UBE3B: variants seen among roughly 807,000 people sequenced by gnomAD.
The protein encoded by UBE3B is ubiquitin protein ligase E3B, also known as ubiquitin-protein ligase E3B.
In UBE3B, 80 loss-of-function variants were observed where a neutral mutation model predicts 132.3. The observed-to-expected ratio is 0.60, with a 90% confidence interval of 0.50 to 0.73. UBE3B has a LOEUF of 0.73. Ranked by LOEUF, UBE3B falls within the 30% of genes least tolerant of loss-of-function variation. UBE3B has a pLI of 0.00. For synonymous variants in UBE3B, 487 were observed against 520.4 expected (o/e 0.94, Z 0.87); for missense variants, 1,196 against 1,362.5 (o/e 0.88, Z 1.92).
At chr12:109,515,388 A>T (rs1170507949) in intron 18 of UBE3B, among the ~76,000 whole-genome samples, 12 of 151,720 alleles carry the variant, frequency 7.9e-5, no homozygotes, top group Admixed American at 7.9e-4. Flanking sequence ...TGTTGTTTTG[A>T]GACAGAGTTT....
At position 109,534,731 on chromosome 12, in the gene UBE3B, C is replaced by T. The variant is rs61999293; in HGVS notation, c.3156C>T (p.Arg1052=). 2.6e-4 allele frequency: 410 copies of T among 1,599,104 alleles called. 1 individual carries two copies. The African/African-American group carries it at 3.2e-3, about 13-fold the overall frequency. Residue 1052 remains arginine, a synonymous_variant, in exon 28 of 28, where the codon CGC becomes CGT. Transcript: ENST00000342494. This position sits in a 1 kb window ranked among gnomAD's most constrained non-coding sequence, Gnocchi z 5.2. ...ACTACAGCAAGAAGAGCGTCCTCCG[C>T]GAGAAGCTGCGCTACGCCATCAGCA... ...LPNYSKKSVL[R]EKLRYAISMN...
rs540629914 is a variant in UBE3B, at chr12:109,532,825, GT to G, written c.2923-640del. On this transcript the variant is annotated intron_variant, in intron 26 of 27. Transcript: ENST00000342494. ...TGGCTCTGGGGCCTCATTTTTGTCA[GT>G]GTGCTGAGAGGTTATTAGTCTCTTG... Among the ~76,000 whole-genome samples, 1,113 of 152,300 alleles carry G rather than the reference GT, an allele frequency of 7.3e-3. 10 individuals carry two copies. The highest frequency in any genetic ancestry group is 0.026 in the African/African-American group (1,081 of 41,556).
intron 6 of UBE3B, 145 bp downstream of exon 6, chr12:109,486,720 G>T: frequency 2.8e-6 from 2 of 705,514 alleles, no homozygotes; most frequent in South Asian, 2.0e-5. Flanking sequence ...GAGGAATTTT[G>T]ATTCTGTTAT....
the UBE3B span, among the ~76,000 whole-genome samples, chr12:109,546,183 G>A: frequency 2.0e-5 from 3 of 152,116 alleles, no homozygotes; most frequent in East Asian, 1.9e-4. Context: ...TGGTGAATGC[G>A]CCAGTGCCTC....
the UBE3B span, among the ~76,000 whole-genome samples, chr12:109,543,576 C>G: frequency 5.9e-5 from 9 of 152,216 alleles, no homozygotes; most frequent in African/African-American, 2.2e-4. Flanking sequence ...TGGTGGCTCA[C>G]GCCTGTAATC....
intron 13 of UBE3B, among the ~76,000 whole-genome samples, chr12:109,502,006 A>G (rs1169943764): frequency 6.6e-6 from 1 of 152,144 alleles, no homozygotes; most frequent in Non-Finnish European, 1.5e-5. Context: ...TTAGGTCACT[A>G]AGTTCATATA....
Position 109,533,488 on chromosome 12 carries a change from C to G in UBE3B, c.2945C>G (p.Pro982Arg). ...FLKFVTSCSR[P>R]PLLGFAYLKP... The stretch of plus-strand genomic sequence containing the variant: ...CAGTTCGTGACCAGCTGCTCCAGAC[C>G]CCCGCTCCTGGGATTCGCCTACCTC... The change falls in exon 27 of 28, where the codon CCC (proline) becomes CGC (arginine). Residue 982 changes from proline to arginine, a missense_variant. By Grantham distance (103) the Pro-to-Arg change is moderately radical. Coordinates refer to ENST00000342494, the MANE Select transcript of UBE3B (RefSeq NM_130466.4). The G allele has an allele frequency of 6.2e-7, 1 of 1,614,120 alleles. No homozygotes were observed. Among genetic ancestry groups the G allele is most frequent in the African/African-American group, 1.3e-5 (1 of 75,034 alleles).
At position 109,536,079 on chromosome 12, in the gene UBE3B, G is replaced by A. The variant is rs1883408496; in HGVS notation, c.*1297G>A. The A allele has an allele frequency of 6.6e-6, 1 of 152,246 alleles. No homozygotes were observed. Among genetic ancestry groups the A allele is most frequent in the Admixed American group, 6.5e-5 (1 of 15,274 alleles). 9.4% of individuals were successfully genotyped at this position (152,246 alleles called of 1,614,324 possible). A position where few individuals can be genotyped will look rare whatever the true frequency, so the allele number is the denominator to read the frequency against. On this transcript the variant is annotated 3_prime_UTR_variant, in exon 28 of 28. Coordinates refer to ENST00000342494, the MANE Select transcript of UBE3B (RefSeq NM_130466.4). Reference sequence around the variant, plus strand: ...TTTTCCAACAAGAGCTGTCACAGTGGCAGCAAAGCAGGGGCCACCCGTCTC... The same window carrying A: ...TTTTCCAACAAGAGCTGTCACAGTGACAGCAAAGCAGGGGCCACCCGTCTC...
chr12:109,501,343 A>T (rs1386974719), intron 12 of UBE3B, 28 bp from the exon 13 acceptor site: 1 of 1,612,688 alleles, frequency 6.2e-7, no homozygotes, highest in Non-Finnish European at 8.5e-7. Context: ...TGGAACTGAC[A>T]GACCAGGTCT....
intron 18 of UBE3B, 26 bp downstream of exon 18, chr12:109,511,329 C>T (rs3742018): frequency 0.17 from 278,481 of 1,605,806 alleles, 24,701 homozygotes; most frequent in Middle Eastern, 0.19. Flanking sequence ...AGCTGGGCCC[C>T]GATGTGTCTT....
chr12:109,521,439 A>G lies in UBE3B; in HGVS notation c.2254-2A>G, dbSNP rs767893655. 1 of 1,579,586 alleles carries G rather than the reference A, an allele frequency of 6.3e-7. No individual in the cohort carries two copies. Among genetic ancestry groups the G allele is most frequent in the Non-Finnish European group, 8.6e-7 (1 of 1,156,720 alleles). On this transcript the variant is annotated splice_acceptor_variant, in intron 20 of 27. Transcript: ENST00000342494. LOFTEE classifies it high-confidence loss of function. The surrounding 1 kb of genome is among the most constrained non-coding windows in gnomAD (Gnocchi z 4.2). ...GCCTCTCCCCGTCTTTTTGCCTTGC[A>G]GACAACCAGTGGGGATGAGAGGCTG...
In UBE3B at chr12:109,509,728, T is replaced by C. The variant is rs1880121077; in HGVS notation, c.1741+14T>C. On this transcript the variant is annotated intron_variant, in intron 16 of 27. Coordinates refer to ENST00000342494, the MANE Select transcript of UBE3B (RefSeq NM_130466.4). ...ATGGAATTGTAGGTAAGAGAAAAGG[T>C]GTCTGCTGTTGTTTGGTTGATGCTG... 5 of 1,563,070 alleles carry C rather than the reference T, an allele frequency of 3.2e-6. No homozygotes were observed. In the South Asian group the frequency reaches 5.8e-5, roughly 18 times the overall value.
chr12:109,487,409 G>A (rs930590953), intron 6 of UBE3B, among the ~76,000 whole-genome samples: 1 of 152,192 alleles, frequency 6.6e-6, no homozygotes, highest in African/African-American at 2.4e-5. Flanking sequence ...GTAATGGAAC[G>A]AAAGTCCCCA....
chr12:109,534,099 T>G lies in UBE3B; in HGVS notation c.3016-492T>G, dbSNP rs1431844699. The G allele has an allele frequency of 7.7e-7, 1 of 1,295,176 alleles. No individual in the cohort carries two copies. The highest frequency in any genetic ancestry group is 1.0e-6 in the Non-Finnish European group (1 of 993,334). The allele number at this position is 1,295,176 out of a possible 1,614,324, so 80.2% of individuals were successfully genotyped here. A position where few individuals can be genotyped will look rare whatever the true frequency, so the allele number is the denominator to read the frequency against. ...TCCCCATAAAAACCCAGTGGCCGCC[T>G]CTGGGTGTAGCTGCCTCTCATGATG... On this transcript the variant is annotated intron_variant, in intron 27 of 27. Transcript: ENST00000342494. This position sits in a 1 kb window ranked among gnomAD's most constrained non-coding sequence, Gnocchi z 5.2.
intron 19 of UBE3B, among the ~76,000 whole-genome samples, chr12:109,518,945 G>C (rs962065190): frequency 6.6e-6 from 1 of 152,154 alleles, no homozygotes; most frequent in African/African-American, 2.4e-5. Flanking sequence ...GACACAAGGG[G>C]GCGTCAGTAA....
At position 109,534,428 on chromosome 12, in the gene UBE3B, G is replaced by A. The variant is rs1883261011; in HGVS notation, c.3016-163G>A. On this transcript the variant is annotated intron_variant, in intron 27 of 27. Transcript: ENST00000342494. The surrounding 1 kb of genome is among the most constrained non-coding windows in gnomAD (Gnocchi z 5.2). Reference sequence around the variant, plus strand: ...CTTCTCTGGAAGCCAGTCGTCTTGTGTCTGGGGCTTGACCTCGGGTAGTGG... The same window carrying A: ...CTTCTCTGGAAGCCAGTCGTCTTGTATCTGGGGCTTGACCTCGGGTAGTGG... 2 of 1,423,084 alleles carry A rather than the reference G, an allele frequency of 1.4e-6. No individual in the cohort carries two copies. The highest frequency in any genetic ancestry group is 1.5e-5 in the African/African-American group (1 of 68,832). 88.2% of individuals were successfully genotyped at this position (1,423,084 alleles called of 1,614,324 possible).
chr12:109,494,551 A>G (rs1877928059), intron 9 of UBE3B, among the ~76,000 whole-genome samples: 1 of 152,070 alleles, frequency 6.6e-6, no homozygotes, highest in Admixed American at 6.6e-5. Context: ...CCTTCTCCTC[A>G]ACCCCCCACC....
chr12:109,546,898 CAG>C, the UBE3B span, among the ~76,000 whole-genome samples: 2 of 152,010 alleles, frequency 1.3e-5, no homozygotes, highest in Non-Finnish European at 1.5e-5. Flanking sequence ...TTTGTAAAGA[CAG>C]AGTTTTGCAA....
intron 15 of UBE3B, chr12:109,508,469 G>T (rs764009074): frequency 1.3e-4 from 125 of 971,534 alleles, no homozygotes; most frequent in Non-Finnish European, 1.4e-4. Flanking sequence ...TAGTTCCTTT[G>T]GTTTTTAAGC....
Sources: allele counts gnomAD v4.1 joint callset (sites outside exome capture counted in the v4.1 genomes callset), GRCh38; gene constraint gnomAD v4.1.1; non-coding constraint Gnocchi (gnomAD v3.1); transcripts MANE v1.5; gene names NCBI Gene and HGNC (gene_info 2026-07-23, HGNC 2026-07-21).